Variants in TMEM132D observed in about 807,000 individuals in gnomAD.
The protein encoded by TMEM132D is mature OL transmembrane protein.
A neutral mutation model predicts 62.3 loss-of-function variants in TMEM132D; 21 were observed. The observed-to-expected ratio is 0.34, with a 90% CI of 0.24 to 0.49. TMEM132D has a LOEUF of 0.49. Ranked by LOEUF, TMEM132D falls within the 20% of genes least tolerant of loss-of-function variation. The pLI, the probability that TMEM132D is intolerant of heterozygous loss-of-function variation, is 0.99. For synonymous variants in TMEM132D, 621 were observed against 575.6 expected (o/e 1.08, Z -1.13); for missense variants, 1,346 against 1,402.8 (o/e 0.96, Z 0.65).
chr12:129,277,728 A>T lies in TMEM132D; in HGVS notation c.1299+59906T>A, dbSNP rs1881038785. On this transcript the variant is annotated intron_variant, in intron 4 of 8. Transcript: ENST00000422113. The surrounding 1 kb of genome is among the most constrained non-coding windows in gnomAD (Gnocchi z 4.2). ...TCAGAATCATATCATATGAAGAAAA[A>T]AACAACTTTTCCAGGAAGCCTCATA... 6.6e-6 allele frequency among the ~76,000 whole-genome samples: 1 copy of T among 152,232 alleles called. No individual in the cohort carries two copies. Among genetic ancestry groups the T allele is most frequent in the Non-Finnish European group, 1.5e-5 (1 of 68,044 alleles).
At chr12:129,658,130 C>T (rs927611506) in intron 2 of TMEM132D, among the ~76,000 whole-genome samples, 3 of 152,062 alleles carry the variant, frequency 2.0e-5, no homozygotes, top group African/African-American at 4.8e-5. Flanking sequence ...TGAAATGGGA[C>T]CTGCTCATGG....
chr12:129,274,256 C>G (rs1880941693), intron 4 of TMEM132D, among the ~76,000 whole-genome samples: 1 of 149,452 alleles, frequency 6.7e-6, no homozygotes, highest in African/African-American at 2.6e-5. Flanking sequence ...TAGGCCAGAA[C>G]AATGTGTGCT....
intron 2 of TMEM132D, among the ~76,000 whole-genome samples, chr12:129,584,730 T>C (rs550754583): frequency 1.3e-5 from 2 of 152,326 alleles, no homozygotes; most frequent in South Asian, 4.2e-4. Flanking sequence ...ACTGCATTAT[T>C]TGAAAGGACA....
intron 4 of TMEM132D, among the ~76,000 whole-genome samples, chr12:129,226,466 C>A (rs1276078591): frequency 6.6e-6 from 1 of 152,202 alleles, no homozygotes; most frequent in African/African-American, 2.4e-5. Flanking sequence ...CGGCACCAGA[C>A]CTTGGCCCAG....
intron 5 of TMEM132D, among the ~76,000 whole-genome samples, chr12:129,204,688 G>C (rs1878794934): frequency 6.6e-6 from 1 of 152,162 alleles, no homozygotes; most frequent in Non-Finnish European, 1.5e-5. Context: ...ACCCCTGTGA[G>C]ATATCACACA....
intron 1 of TMEM132D, among the ~76,000 whole-genome samples, chr12:129,844,120 G>T (rs1218377104): frequency 1.3e-5 from 2 of 152,112 alleles, no homozygotes; most frequent in Admixed American, 6.6e-5. Context: ...CAAATAAAAA[G>T]AACTTATGAA....
At chr12:129,336,770 G>T (rs1869293237) in intron 4 of TMEM132D, among the ~76,000 whole-genome samples, 1 of 152,154 alleles carries the variant, frequency 6.6e-6, no homozygotes, top group South Asian at 2.1e-4. Context: ...GCCGAGTGTG[G>T]AGTGTGGGAA....
At chr12:129,797,637 G>A (rs149570710) in intron 1 of TMEM132D, among the ~76,000 whole-genome samples, 1 of 152,274 alleles carries the variant, frequency 6.6e-6, no homozygotes, top group African/African-American at 2.4e-5. Context: ...TCTGAGTTAT[G>A]GAAATCCACA....
At chr12:129,408,884 A>C in intron 3 of TMEM132D, among the ~76,000 whole-genome samples, 1 of 152,076 alleles carries the variant, frequency 6.6e-6, no homozygotes, top group East Asian at 1.9e-4. Context: ...AGAGACTGGG[A>C]CACATACAAA....
chr12:129,147,261 T>TATGTGCATATGTATATATACAC (rs1565978379), intron 5 of TMEM132D, among the ~76,000 whole-genome samples: 99 of 142,412 alleles, frequency 7.0e-4, no homozygotes, highest in African/African-American at 2.7e-3. Context: ...TATATATACA[T>TATGTGCATATGTATATATACAC]ATGTGCATAT....
chr12:129,659,048 A>G (rs983334973), intron 2 of TMEM132D, among the ~76,000 whole-genome samples: 4 of 151,280 alleles, frequency 2.6e-5, no homozygotes, highest in African/African-American at 9.8e-5. Context: ...ATACAGGTAC[A>G]TATAACAATA....
At chr12:129,090,071 A>G (rs921340157) in intron 5 of TMEM132D, among the ~76,000 whole-genome samples, 2 of 152,234 alleles carry the variant, frequency 1.3e-5, no homozygotes, top group African/African-American at 2.4e-5. Context: ...CAGTCAATGT[A>G]TGAGAGCAGC....
intron 1 of TMEM132D, among the ~76,000 whole-genome samples, chr12:129,749,508 G>C (rs1869929477): frequency 6.8e-6 from 1 of 146,424 alleles, no homozygotes; most frequent in Non-Finnish European, 1.5e-5. Flanking sequence ...CCAGGCTCAA[G>C]TGCAGTGGCA....
chr12:129,494,006 T>G (rs1874876727), intron 3 of TMEM132D, among the ~76,000 whole-genome samples: 1 of 152,168 alleles, frequency 6.6e-6, no homozygotes, highest in Admixed American at 6.5e-5. Context: ...GCTTCTTCCC[T>G]TCTGTGTTCC....
At chr12:129,300,330 G>A (rs1205285543) in intron 4 of TMEM132D, among the ~76,000 whole-genome samples, 7 of 152,134 alleles carry the variant, frequency 4.6e-5, no homozygotes, top group Admixed American at 6.5e-5. Context: ...AAATGGGAAC[G>A]TCATCAATCT....
intron 1 of TMEM132D, among the ~76,000 whole-genome samples, chr12:129,794,882 G>A: frequency 6.6e-6 from 1 of 152,078 alleles, no homozygotes; most frequent in Non-Finnish European, 1.5e-5. Flanking sequence ...GCGTAAATAG[G>A]AAAGCAGACA....
intron 2 of TMEM132D, among the ~76,000 whole-genome samples, chr12:129,611,371 C>G (rs1424586947): frequency 6.6e-6 from 1 of 152,128 alleles, no homozygotes; most frequent in East Asian, 1.9e-4. Context: ...GGAAGAATTC[C>G]CTTATCTGTA....
At position 129,208,753 on chromosome 12, in the gene TMEM132D, G is replaced by C. The variant is rs1878933736; in HGVS notation, c.1443+767C>G. 3 of 152,232 alleles carry C rather than the reference G, an allele frequency of 2.0e-5. No homozygotes were observed. In the South Asian group the frequency reaches 6.2e-4, roughly 32 times the overall value. The allele number at this position is 152,232 out of a possible 1,614,324, so 9.4% of individuals were successfully genotyped here. A position where few individuals can be genotyped will look rare whatever the true frequency, so the allele number is the denominator to read the frequency against. On this transcript the variant is annotated intron_variant, in intron 5 of 8. Coordinates refer to ENST00000422113, the MANE Select transcript of TMEM132D (RefSeq NM_133448.3). ...GGTGCCTGCTGCATCTGTCACTGCA[G>C]CCCTGTCTCTGGAGTGGGCGGAGGC...
intron 4 of TMEM132D, among the ~76,000 whole-genome samples, chr12:129,310,094 A>G (rs1566029072): frequency 6.6e-6 from 1 of 152,136 alleles, no homozygotes; most frequent in Non-Finnish European, 1.5e-5. Flanking sequence ...CCGAGAAGGA[A>G]AATCTAGATG....
Sources: allele counts gnomAD v4.1 joint callset (sites outside exome capture counted in the v4.1 genomes callset), GRCh38; gene constraint gnomAD v4.1.1; non-coding constraint Gnocchi (gnomAD v3.1); transcripts MANE v1.5; gene names NCBI Gene and HGNC (gene_info 2026-07-23, HGNC 2026-07-21).